PBX3: variants seen among roughly 807,000 people sequenced by gnomAD.
The protein encoded by PBX3 is PBX homeobox 3, also known as pre-B-cell leukemia transcription factor 3.
In PBX3, 14 loss-of-function variants were observed where a neutral mutation model predicts 48.5. The ratio of observed to expected loss-of-function variants is 0.29; its 90% CI spans 0.19 to 0.45. PBX3 has a LOEUF of 0.45. PBX3 is among the 20% of genes least tolerant of loss of function. PBX3 has a pLI of 1.00. For missense variants in PBX3, 386 were observed against 546.7 expected (o/e 0.71, Z 2.93); for synonymous variants, 210 against 200.3 (o/e 1.05, Z -0.41).
intron 2 of PBX3, among the ~76,000 whole-genome samples, chr9:125,893,570 A>G (rs536162858): frequency 6.8e-6 from 1 of 147,270 alleles, no homozygotes; most frequent in South Asian, 2.3e-4. Context: ...TATTTGATCA[A>G]ATACACAGAA....
At chr9:125,836,506 G>A (rs752967472) in intron 2 of PBX3, among the ~76,000 whole-genome samples, 3 of 152,154 alleles carry the variant, frequency 2.0e-5, no homozygotes, top group South Asian at 2.1e-4. Flanking sequence ...GGTGGGAAGC[G>A]TAGGTAGTCA....
At position 125,966,394 on chromosome 9, in the gene PBX3, G is replaced by A. The variant is rs1167215551; in HGVS notation, c.*471G>A. 6.5e-6 allele frequency: 1 copy of A among 153,228 alleles called. No individual in the cohort carries two copies. Among genetic ancestry groups the A allele is most frequent in the Non-Finnish European group, 1.5e-5 (1 of 68,452 alleles). 9.5% of individuals were successfully genotyped at this position (153,228 alleles called of 1,614,324 possible). ...ACTAATGGAGTTGGAATAAAGAGCTGTTTGCCTATCCCTGTTAATGATGGT... is the reference window on the plus strand; with the variant it reads ...ACTAATGGAGTTGGAATAAAGAGCTATTTGCCTATCCCTGTTAATGATGGT... On this transcript the variant is annotated 3_prime_UTR_variant, in exon 9 of 9. Transcript: ENST00000373489.
chr9:125,861,188 G>A (rs915701901), intron 2 of PBX3, among the ~76,000 whole-genome samples: 1 of 151,854 alleles, frequency 6.6e-6, no homozygotes, highest in Non-Finnish European at 1.5e-5. Flanking sequence ...CTAGCTACCC[G>A]GGAGGTTGAG....
intron 2 of PBX3, among the ~76,000 whole-genome samples, chr9:125,835,369 C>A (rs903375107): frequency 3.9e-5 from 6 of 152,066 alleles, no homozygotes; most frequent in Non-Finnish European, 5.9e-5. Context: ...GCCCTAGAGT[C>A]TATACTCTTA....
chr9:125,817,547 G>T (rs1208460825), intron 2 of PBX3, among the ~76,000 whole-genome samples: 1 of 152,110 alleles, frequency 6.6e-6, no homozygotes, highest in Non-Finnish European at 1.5e-5. Context: ...TTGCTGAGTT[G>T]CACAACTCCA....
chr9:125,918,124 A>G (rs1841375166), intron 3 of PBX3, among the ~76,000 whole-genome samples: 1 of 152,024 alleles, frequency 6.6e-6, no homozygotes, highest in African/African-American at 2.4e-5. Flanking sequence ...AAGAGATATA[A>G]TATTAGAGGC....
intron 2 of PBX3, among the ~76,000 whole-genome samples, chr9:125,815,898 G>A (rs2132141346): frequency 6.6e-6 from 1 of 152,204 alleles, no homozygotes; most frequent in South Asian, 2.1e-4. Context: ...TGATGCACTT[G>A]TCATTGTGGT....
At chr9:125,908,875 A>G (rs1841138247) in intron 2 of PBX3, among the ~76,000 whole-genome samples, 1 of 151,982 alleles carries the variant, frequency 6.6e-6, no homozygotes, top group Non-Finnish European at 1.5e-5. Context: ...CTTTTTTCCC[A>G]CTACTTGTAA....
chr9:125,763,606 T>C (rs1406790843), intron 2 of PBX3, among the ~76,000 whole-genome samples: 1 of 152,208 alleles, frequency 6.6e-6, no homozygotes, highest in African/African-American at 2.4e-5. Flanking sequence ...CTCTGCTCAG[T>C]GTAGGGAAAC....
intron 6 of PBX3, 121 bp downstream of exon 6, chr9:125,960,970 A>G (rs2118816866): frequency 2.8e-6 from 2 of 703,974 alleles, no homozygotes; most frequent in Non-Finnish European, 4.4e-6. Context: ...AGGAAGATTT[A>G]TGTTCAAATG....
rs1352011955 is a variant in PBX3 at position 125,747,588 on chromosome 9, C to T, written c.135C>T (p.Asp45=). ...EGADGDGRKQ[D]IGDILHQIMT... is the part of the protein sequence containing the mutation. ...CGGACGGCGACGGCAGGAAGCAGGA[C>T]ATCGGCGACATCCTCCACCAGATCA... Residue 45 remains aspartate (D), a synonymous_variant, in exon 1 of 9, where the codon GAC becomes GAT. Coordinates refer to ENST00000373489, the MANE Select transcript of PBX3 (RefSeq NM_006195.6). 17 of 1,607,276 alleles carry T rather than the reference C, an allele frequency of 1.1e-5. No individual in the cohort carries two copies. Among genetic ancestry groups the T allele is most frequent in the Non-Finnish European group, 1.4e-5 (16 of 1,177,004 alleles).
intron 2 of PBX3, among the ~76,000 whole-genome samples, chr9:125,841,976 T>A (rs774976412): frequency 1.3e-5 from 2 of 152,004 alleles, no homozygotes; most frequent in Non-Finnish European, 2.9e-5. Context: ...AAGACTATAT[T>A]TTATCTGAAA....
intron 2 of PBX3, among the ~76,000 whole-genome samples, chr9:125,773,561 G>T (rs1836995611): frequency 1.3e-5 from 2 of 152,144 alleles, no homozygotes; most frequent in Non-Finnish European, 2.9e-5. Context: ...TTTGTCCTCT[G>T]GCACATAGTA....
At chr9:125,849,632 T>A (rs1839522482) in intron 2 of PBX3, among the ~76,000 whole-genome samples, 1 of 152,038 alleles carries the variant, frequency 6.6e-6, no homozygotes, top group South Asian at 2.1e-4. Context: ...CATAGTTTAA[T>A]TGACATAAGT....
chr9:125,747,474 G>T lies in PBX3; in HGVS notation c.21G>T (p.Met7Ile). 1 of 1,574,960 alleles carries T rather than the reference G, an allele frequency of 6.3e-7. No individual in the cohort carries two copies. The highest frequency in any genetic ancestry group is 8.6e-7 in the Non-Finnish European group (1 of 1,162,556). The change falls in exon 1 of 9, where the codon ATG becomes ATT. Residue 7 changes from methionine to isoleucine, a missense_variant. Around this residue, in one of 4 missense-constraint regions of PBX3, gnomAD observed 116 missense variants for 98.2 expected, o/e 1.18. Transcript: ENST00000373489. Reference sequence around the variant, plus strand: ...GCGGGATGGACGATCAATCCAGGATGCTGCAGACTCTGGCCGGGGTGAACC... The same window carrying T: ...GCGGGATGGACGATCAATCCAGGATTCTGCAGACTCTGGCCGGGGTGAACC... MDDQSR[M>I]LQTLAGVNLA...
At chr9:125,963,601 T>C (rs992623781) in intron 8 of PBX3, among the ~76,000 whole-genome samples, 1 of 152,166 alleles carries the variant, frequency 6.6e-6, no homozygotes, top group African/African-American at 2.4e-5. Context: ...ATTTTAACTT[T>C]TGTAACTACT....
chr9:125,831,456 T>G (rs1426723711), intron 2 of PBX3, among the ~76,000 whole-genome samples: 1 of 151,844 alleles, frequency 6.6e-6, no homozygotes, highest in African/African-American at 2.4e-5. Context: ...GGAGTCTCGC[T>G]CTGTTGCCCA....
intron 2 of PBX3, among the ~76,000 whole-genome samples, chr9:125,887,314 T>C (rs969392592): frequency 6.6e-6 from 1 of 152,166 alleles, no homozygotes; most frequent in African/African-American, 2.4e-5. Flanking sequence ...TGGTTTTGTA[T>C]AGCATATTGT....
chr9:125,922,312 A>G (rs200836189), intron 3 of PBX3, among the ~76,000 whole-genome samples: 1 of 152,176 alleles, frequency 6.6e-6, no homozygotes, highest in East Asian at 1.9e-4. Flanking sequence ...TAACAGATGA[A>G]ATCTTCCATG....
Sources: gnomAD v4.1 joint callset for allele counts (sites outside exome capture counted in the v4.1 genomes callset) on GRCh38, gnomAD v4.1.1 for gene constraint, gnomAD v4.1.1 regional missense constraint, MANE v1.5 for transcripts, NCBI Gene and HGNC (gene_info 2026-07-23, HGNC 2026-07-21) for gene names.